The following BRAP variants were observed in gnomAD, a reference collection of about 807,000 sequenced individuals.
BRAP encodes BRCA1 associated protein.
BRAP carries 42 observed loss-of-function variants against 73.4 expected under a neutral mutation model. The observed-to-expected ratio is 0.57, with a 90% CI of 0.45 to 0.74. The LOEUF is 0.74. Among genes scored for constraint, BRAP ranks in the 30% least tolerant of loss-of-function variants. The pLI, the probability that BRAP is intolerant of heterozygous loss-of-function variation, is 0.00. For missense variants in BRAP, 593 were observed against 751.4 expected (o/e 0.79, Z 2.46); for synonymous variants, 255 against 267.4 (o/e 0.95, Z 0.45).
chr12:111,650,286 G>A (rs1434821415), intron 10 of BRAP, among the ~76,000 whole-genome samples: 1 of 151,586 alleles, frequency 6.6e-6, no homozygotes, highest in Non-Finnish European at 1.5e-5. Flanking sequence ...CTTTTTTTGA[G>A]CCAGAGTCTC....
intron 1 of BRAP, 154 bp downstream of exon 1, chr12:111,685,557 G>A: frequency 1.5e-6 from 2 of 1,355,326 alleles, no homozygotes; most frequent in Non-Finnish European, 1.9e-6. Flanking sequence ...GCCTCTCAAA[G>A]GCGGATGGGA....
chr12:111,680,678 T>A (rs1392620945), intron 3 of BRAP, among the ~76,000 whole-genome samples: 1 of 151,200 alleles, frequency 6.6e-6, no homozygotes, highest in Non-Finnish European at 1.5e-5. Context: ...AGTTATGGAG[T>A]GAGACCCTGT....
intron 6 of BRAP, among the ~76,000 whole-genome samples, chr12:111,664,133 C>A (rs1886849514): frequency 6.6e-6 from 1 of 152,114 alleles, no homozygotes; most frequent in South Asian, 2.1e-4. Context: ...CAAGACCAGC[C>A]TAGACAACAT....
At chr12:111,644,942 A>C (rs546977462) in intron 11 of BRAP, among the ~76,000 whole-genome samples, 2 of 149,664 alleles carry the variant, frequency 1.3e-5, no homozygotes, top group South Asian at 4.2e-4. Flanking sequence ...TTTTGAGTAG[A>C]TATTGGGGTT....
intron 5 of BRAP, among the ~76,000 whole-genome samples, chr12:111,667,438 G>A (rs1566121277): frequency 6.6e-6 from 1 of 151,822 alleles, no homozygotes; most frequent in Non-Finnish European, 1.5e-5. Context: ...GGTGGCTCAC[G>A]CCTGTTAAGT....
chr12:111,679,259 A>C lies in BRAP; in HGVS notation c.525T>G (p.His175Gln), dbSNP rs768360346. The change falls in exon 4 of 12, where the codon CAT becomes CAG. Residue 175 changes from histidine to glutamine, a missense_variant. Physicochemically the swap from His to Gln is conservative, Grantham distance 24. This residue lies in a region of BRAP where 304 missense variants were observed against 337.7 expected (regional missense o/e 0.90). Coordinates refer to ENST00000419234, the MANE Select transcript of BRAP (RefSeq NM_006768.5). ...ILTVPAAMTS[H>Q]DLMKFVAPFN... ...ATGGGGCAACAAACTTCATAAGGTC[A>C]TGACTGGTCATTGCAGCAGGGACTG... The C allele has an allele frequency of 8.1e-6, 13 of 1,611,898 alleles. No individual in the cohort carries two copies. Among genetic ancestry groups the C allele is most frequent in the Non-Finnish European group, 1.1e-5 (13 of 1,178,688 alleles).
chr12:111,656,998 T>C (rs73418318), intron 9 of BRAP, among the ~76,000 whole-genome samples: 4,054 of 152,300 alleles, frequency 0.027, 187 homozygotes, highest in African/African-American at 0.091. Context: ...CTTGCCCTCC[T>C]GAAGTGGTGG....
chr12:111,680,592 C>T (rs1251365437), intron 3 of BRAP, among the ~76,000 whole-genome samples: 2 of 151,548 alleles, frequency 1.3e-5, no homozygotes, highest in Non-Finnish European at 2.9e-5. Flanking sequence ...CCCAGCTACT[C>T]TGAGGCAGGA....
At chr12:111,685,403 A>G (rs888356992) in intron 1 of BRAP, among the ~76,000 whole-genome samples, 5 of 152,196 alleles carry the variant, frequency 3.3e-5, no homozygotes, top group African/African-American at 1.2e-4. Flanking sequence ...CCCTGCCTTT[A>G]CGAAGCCCAT....
At chr12:111,662,945 TAAAAAAA>T (rs76679225) in intron 6 of BRAP, among the ~76,000 whole-genome samples, 74 of 115,024 alleles carry the variant, frequency 6.4e-4, no homozygotes, top group Non-Finnish European at 1.3e-3. Flanking sequence ...AAAGCCCTTC[TAAAAAAA>T]AAAAAAAACA....
At chr12:111,655,793 C>T in intron 9 of BRAP, 138 bp from the exon 10 acceptor site, 1 of 681,538 alleles carries the variant, frequency 1.5e-6, no homozygotes, top group East Asian at 2.7e-5. Flanking sequence ...CCTGGTTCTA[C>T]TCTACTCAAT....
Position 111,644,528 on chromosome 12 carries a change from T to C in BRAP, c.1450A>G (p.Thr484Ala). 1.2e-6 allele frequency: 2 copies of C among 1,613,968 alleles called. No individual in the cohort carries two copies. The highest frequency in any genetic ancestry group is 1.7e-6 in the Non-Finnish European group (2 of 1,179,902). Residue 484 changes from threonine to alanine, a missense_variant, in exon 12 of 12, where the codon ACC (threonine) becomes GCC (alanine). By Grantham distance (58) the Thr-to-Ala change is moderately conservative (BLOSUM62 0). This residue lies in a region of BRAP where 143 missense variants were observed against 190.4 expected (regional missense o/e 0.75). Transcript: ENST00000419234. ...TCCTGCTCCTCTTTGAGCTCGTTGGTGAGTTTGGCCACTTTTGTGTTTAGC... is the reference window on the plus strand; with the variant it reads ...TCCTGCTCCTCTTTGAGCTCGTTGGCGAGTTTGGCCACTTTTGTGTTTAGC... Reference protein sequence around the residue: ...TQLNTKVAKLTNELKEEQEMN... With the variant: ...TQLNTKVAKLANELKEEQEMN...
chr12:111,667,863 G>A (rs1437870612), intron 5 of BRAP, among the ~76,000 whole-genome samples: 1 of 151,814 alleles, frequency 6.6e-6, no homozygotes, highest in Non-Finnish European at 1.5e-5. Flanking sequence ...TGCTTTTTGA[G>A]AGGCCATTGG....
Position 111,659,293 on chromosome 12 carries a change from C to T in BRAP, c.1025G>A (p.Ser342Asn). ...CTCAAAGTGCTTATAAGCATGTCGA[C>T]TGACATACCGTCCACATCCTATGTG... ...CGHIGCGRYVSRHAYKHFEET... is the reference protein window; with the variant it reads ...CGHIGCGRYVNRHAYKHFEET... The change falls in exon 8 of 12, where the codon AGT (serine) becomes AAT (asparagine). Residue 342 changes from serine to asparagine, a missense_variant. By Grantham distance (46) the Ser-to-Asn change is conservative. Coordinates refer to ENST00000419234, the MANE Select transcript of BRAP (RefSeq NM_006768.5). 6.2e-7 allele frequency: 1 copy of T among 1,614,062 alleles called. No individual in the cohort carries two copies. Among genetic ancestry groups the T allele is most frequent in the Non-Finnish European group, 8.5e-7 (1 of 1,179,946 alleles).
chr12:111,643,261 A>C lies in BRAP; in HGVS notation c.*938T>G, dbSNP rs1451792883. ...GAAAGCGTAATTGAAAATCTGCCCA[A>C]GCTCCCTCTAGCTGCAACCTGAACA... On this transcript the variant is annotated 3_prime_UTR_variant, in exon 12 of 12. Coordinates refer to ENST00000419234, the MANE Select transcript of BRAP (RefSeq NM_006768.5). The C allele has an allele frequency of 6.6e-6, 1 of 152,166 alleles. No individual in the cohort carries two copies. The highest frequency in any genetic ancestry group is 1.5e-5 in the Non-Finnish European group (1 of 68,032). The allele number at this position is 152,166 out of a possible 1,614,324, so 9.4% of individuals were successfully genotyped here. A position where few individuals can be genotyped will look rare whatever the true frequency, so the allele number is the denominator to read the frequency against.
At chr12:111,645,544 G>C (rs1243642821) in intron 11 of BRAP, among the ~76,000 whole-genome samples, 18 of 152,122 alleles carry the variant, frequency 1.2e-4, no homozygotes, top group Admixed American at 1.2e-3. Context: ...TGGCATTCTT[G>C]GAGAGTCAAG....
intron 2 of BRAP, among the ~76,000 whole-genome samples, chr12:111,682,230 TG>T (rs1887627376): frequency 6.6e-6 from 1 of 152,122 alleles, no homozygotes; most frequent in Non-Finnish European, 1.5e-5. Flanking sequence ...GCAGATAAAA[TG>T]AGCTGGCTGG....
intron 9 of BRAP, among the ~76,000 whole-genome samples, chr12:111,657,021 A>G (rs1321878411): frequency 1.3e-5 from 2 of 152,110 alleles, no homozygotes; most frequent in African/African-American, 2.4e-5. Context: ...TTACAGGCAT[A>G]AGCCACCATG....
chr12:111,670,812 A>G (rs113887943), intron 5 of BRAP, among the ~76,000 whole-genome samples: 11 of 152,260 alleles, frequency 7.2e-5, no homozygotes, highest in African/African-American at 2.6e-4. Context: ...AAAATAAAAG[A>G]AATCTGGCCG....
Sources: gnomAD v4.1 joint callset for allele counts (sites outside exome capture counted in the v4.1 genomes callset) on GRCh38, gnomAD v4.1.1 for gene constraint, gnomAD v4.1.1 regional missense constraint, MANE v1.5 for transcripts, NCBI Gene and HGNC (gene_info 2026-07-23, HGNC 2026-07-21) for gene names.